The following ABTB2 variants were observed in gnomAD, a reference collection of about 807,000 sequenced individuals.
ABTB2 encodes ankyrin repeat and BTB domain containing 2.
A neutral mutation model predicts 104.1 loss-of-function variants in ABTB2; 56 were observed. The ratio of observed to expected loss-of-function variants is 0.54; its 90% CI spans 0.43 to 0.67. The LOEUF (loss-of-function observed/expected upper bound fraction) is 0.67. Ranked by LOEUF, ABTB2 falls within the 30% of genes least tolerant of loss-of-function variation. The pLI is 0.00. For missense variants in ABTB2, 1,279 were observed against 1,407.7 expected (o/e 0.91, Z 1.46); for synonymous variants, 606 against 608.2 (o/e 1.00, Z 0.05).
At chr11:34,341,741 TC>T (rs1428906862) in intron 1 of ABTB2, among the ~76,000 whole-genome samples, 9 of 152,136 alleles carry the variant, frequency 5.9e-5, no homozygotes, top group Admixed American at 5.9e-4. Context: ...AGATGGAAGT[TC>T]TACAAAAACT....
At chr11:34,230,071 G>A (rs1853748408) in intron 1 of ABTB2, among the ~76,000 whole-genome samples, 1 of 152,194 alleles carries the variant, frequency 6.6e-6, no homozygotes, top group Non-Finnish European at 1.5e-5. Context: ...CAATGGGCAA[G>A]GGTTCTCTGT....
At chr11:34,158,210 C>A (rs753697918) in intron 14 of ABTB2, among the ~76,000 whole-genome samples, 1 of 152,192 alleles carries the variant, frequency 6.6e-6, no homozygotes, top group African/African-American at 2.4e-5. Flanking sequence ...GTTAGAAGAT[C>A]GAGACCATCC....
chr11:34,235,113 A>C (rs2611097), intron 1 of ABTB2, among the ~76,000 whole-genome samples: 1 of 151,972 alleles, frequency 6.6e-6, no homozygotes, highest in African/African-American at 2.4e-5. Context: ...CGCCTGCCTT[A>C]GCCACCCAAA....
At chr11:34,179,121 C>T (rs1391966195) in intron 3 of ABTB2, among the ~76,000 whole-genome samples, 1 of 150,352 alleles carries the variant, frequency 6.7e-6, no homozygotes, top group Non-Finnish European at 1.5e-5. Flanking sequence ...CCTCAAAGAG[C>T]TTTTGTTTAT....
At chr11:34,254,036 A>C (rs967262047) in intron 1 of ABTB2, among the ~76,000 whole-genome samples, 1 of 152,204 alleles carries the variant, frequency 6.6e-6, no homozygotes, top group Admixed American at 6.5e-5. Flanking sequence ...CAGTACCCAC[A>C]GCTTAATAAG....
In ABTB2 at chr11:34,357,781, G is replaced by A; in HGVS notation, c.-198C>T. On this transcript the variant is annotated 5_prime_UTR_variant, in exon 1 of 17. Coordinates refer to ENST00000435224, the MANE Select transcript of ABTB2 (RefSeq NM_145804.3). ...GATCCGTGGCCAGCAGGAGCCCCAC[G>A]CTCCCGGCGTCCCGACTCGCAGCTG... 1 of 574,438 alleles carries A rather than the reference G, an allele frequency of 1.7e-6. No individual in the cohort carries two copies. The highest frequency in any genetic ancestry group is 2.9e-6 in the Non-Finnish European group (1 of 346,854). 35.6% of individuals were successfully genotyped at this position (574,438 alleles called of 1,614,324 possible).
intron 1 of ABTB2, among the ~76,000 whole-genome samples, chr11:34,355,941 C>T (rs1009044265): frequency 6.6e-6 from 1 of 152,192 alleles, no homozygotes; most frequent in Non-Finnish European, 1.5e-5. Context: ...CTTGATGGGC[C>T]ACCACTCTTT....
At chr11:34,204,735 A>T in intron 1 of ABTB2, 45 bp from the exon 2 acceptor site, 1 of 1,580,814 alleles carries the variant, frequency 6.3e-7, no homozygotes, top group Non-Finnish European at 8.6e-7. Flanking sequence ...GAAGGAGTGG[A>T]AGTTCAGTGG....
intron 3 of ABTB2, among the ~76,000 whole-genome samples, chr11:34,195,581 C>A (rs1316082270): frequency 6.6e-6 from 1 of 152,202 alleles, no homozygotes; most frequent in African/African-American, 2.4e-5. Context: ...GTGTACTGGG[C>A]CACTGCTGTT....
At chr11:34,282,017 T>C (rs1415627944) in intron 1 of ABTB2, among the ~76,000 whole-genome samples, 1 of 152,198 alleles carries the variant, frequency 6.6e-6, no homozygotes, top group African/African-American at 2.4e-5. Flanking sequence ...TACCATAATG[T>C]AGGTAGGTGA....
Position 34,152,414 on chromosome 11 carries a change from G to C in ABTB2, c.3051C>G (p.His1017Gln). Residue 1017 changes from histidine (H) to glutamine (Q), a missense_variant, in exon 17 of 17, where the codon CAC (histidine) becomes CAG (glutamine). Physicochemically the swap from His to Gln is conservative, Grantham distance 24 (BLOSUM62 0). Transcript: ENST00000435224. ...ACACCCGGGAGGTGATGTAGACAGA[G>C]TGCACGCGCTCTGCCAGGGTGTTCT... ...DLQNTLAERVHSVYITSRV is the reference protein window; with the variant it reads ...DLQNTLAERVQSVYITSRV The C allele has an allele frequency of 6.3e-7, 1 of 1,581,444 alleles. No homozygotes were observed. The highest frequency in any genetic ancestry group is 8.6e-7 in the Non-Finnish European group (1 of 1,164,944).
intron 1 of ABTB2, among the ~76,000 whole-genome samples, chr11:34,210,979 C>T (rs1428291165): frequency 6.6e-6 from 1 of 152,130 alleles, no homozygotes; most frequent in Admixed American, 6.5e-5. Context: ...ATTCTCTGAT[C>T]TGGAATTTTA....
At chr11:34,221,429 C>T (rs1383802932) in intron 1 of ABTB2, among the ~76,000 whole-genome samples, 1 of 152,246 alleles carries the variant, frequency 6.6e-6, no homozygotes, top group Non-Finnish European at 1.5e-5. Context: ...TTGAGAGGTA[C>T]ATAGTTCAGC....
At chr11:34,159,409 A>G (rs1396651797) in intron 13 of ABTB2, 23 bp from the exon 14 acceptor site, 2 of 1,584,170 alleles carry the variant, frequency 1.3e-6, no homozygotes, top group Non-Finnish European at 1.7e-6. Context: ...AGACAAAGCA[A>G]GGTGGGTTTT....
At chr11:34,297,782 AAAT>A (rs1854640907) in intron 1 of ABTB2, among the ~76,000 whole-genome samples, 1 of 83,664 alleles carries the variant, frequency 1.2e-5, no homozygotes, top group African/African-American at 5.2e-5. Context: ...AAAAAAAAAA[AAAT>A]AAAAATAAAG....
intron 14 of ABTB2, among the ~76,000 whole-genome samples, chr11:34,157,896 T>G (rs553301908): frequency 6.6e-6 from 1 of 152,376 alleles, no homozygotes; most frequent in South Asian, 2.1e-4. Context: ...CAAACTTGGC[T>G]GTTTTGCACA....
At chr11:34,152,707 G>T (rs1852562497) in intron 16 of ABTB2, 123 bp from the exon 17 acceptor site, 2 of 930,158 alleles carry the variant, frequency 2.2e-6, no homozygotes, top group Non-Finnish European at 1.6e-6. Flanking sequence ...GCCAGGGTAG[G>T]CGTTCCCTGT....
At chr11:34,279,968 A>G (rs1318378999) in intron 1 of ABTB2, among the ~76,000 whole-genome samples, 1 of 151,704 alleles carries the variant, frequency 6.6e-6, no homozygotes, top group Non-Finnish European at 1.5e-5. Flanking sequence ...ACAGGGTTTC[A>G]CAATGTTGGT....
chr11:34,154,717 G>A lies in ABTB2; in HGVS notation c.2750C>T (p.Thr917Ile). The stretch of plus-strand genomic sequence containing the variant: ...GAGTCTCACCTCCAGGATGTCAGTG[G>A]TGGGGATCTCCATGGATTCTGTTCC... ...YGGTESMEIP[T>I]TDILELLSAA... The change falls in exon 15 of 17, where the codon ACC becomes ATC. Residue 917 changes from threonine (T) to isoleucine (I), a missense_variant. Physicochemically the swap from Thr to Ile is moderately conservative, Grantham distance 89. Transcript: ENST00000435224. The surrounding 1 kb of genome is among the most constrained non-coding windows in gnomAD (Gnocchi z 4.9). 1.2e-6 allele frequency: 2 copies of A among 1,614,222 alleles called. No homozygotes were observed. Among genetic ancestry groups the A allele is most frequent in the Non-Finnish European group, 1.7e-6 (2 of 1,180,022 alleles).
Sources: allele counts gnomAD v4.1 joint callset (sites outside exome capture counted in the v4.1 genomes callset), GRCh38; gene constraint gnomAD v4.1.1; non-coding constraint Gnocchi (gnomAD v3.1); transcripts MANE v1.5; gene names NCBI Gene and HGNC (gene_info 2026-07-23, HGNC 2026-07-21).